Variants in ADGRG1 observed in about 807,000 individuals in gnomAD.
ADGRG1 encodes 7-transmembrane protein with no EGF-like N-terminal domains-1.
A neutral mutation model predicts 73.5 loss-of-function variants in ADGRG1; 53 were observed. That is an observed-to-expected ratio of 0.72 (90% CI 0.58 to 0.91). ADGRG1 has a LOEUF of 0.91. Among genes scored for constraint, ADGRG1 ranks in the 40% least tolerant of loss-of-function variants. The probability of loss-of-function intolerance (pLI) is 0.00; values close to 1 mark genes in which losing one functional copy is unlikely to be tolerated. For missense variants in ADGRG1, 795 were observed against 871.8 expected, an observed-to-expected ratio of 0.91 and a Z score of 1.11; for synonymous variants, 394 against 374.4, an observed-to-expected ratio of 1.05 and a Z score of -0.60.
chr16:57,632,979 C>T (rs2038398004), intron 1 of ADGRG1: 1 of 981,836 alleles, frequency 1.0e-6, no homozygotes. Flanking sequence ...TAGAGAGCCG[C>T]CTCTGCCACC....
At chr16:57,632,935 A>G (rs2038385261) in intron 1 of ADGRG1, 1 of 985,308 alleles carries the variant, frequency 1.0e-6, no homozygotes, top group South Asian at 4.7e-5. Flanking sequence ...ACTCGGGGCC[A>G]CTTACACCAA....
At chr16:57,637,550 G>T in intron 1 of ADGRG1, 1 of 985,436 alleles carries the variant, frequency 1.0e-6, no homozygotes, top group Non-Finnish European at 1.2e-6. Context: ...GCCTTCTCCG[G>T]CCAGCAAGCC....
In ADGRG1 at chr16:57,657,353, C is replaced by G. The variant is rs2305309; in HGVS notation, c.1168-20C>G. ...TGTGGGGGACACAGAGGCCAGCTCTCTCCTGTCTCCTGGGGCCAGGTCTCC... is the reference window on the plus strand; with the variant it reads ...TGTGGGGGACACAGAGGCCAGCTCTGTCCTGTCTCCTGGGGCCAGGTCTCC... On this transcript the variant is annotated intron_variant, in intron 9 of 13. Coordinates refer to ENST00000562631, the MANE Select transcript of ADGRG1 (RefSeq NM_201525.4). The G allele has an allele frequency of 1.9e-6, 3 of 1,613,578 alleles. No homozygotes were observed. Among genetic ancestry groups the G allele is most frequent in the Admixed American group, 3.3e-5 (2 of 60,002 alleles).
intron 1 of ADGRG1, chr16:57,645,351 C>T: frequency 1.0e-6 from 1 of 983,488 alleles, no homozygotes; most frequent in Non-Finnish European, 1.2e-6. Flanking sequence ...TCGTTCCTCC[C>T]TCCTTGGCTC....
At position 57,650,355 on chromosome 16, in the gene ADGRG1, G is replaced by T; in HGVS notation, c.64+4G>T. The T allele has an allele frequency of 6.2e-7, 1 of 1,610,314 alleles. No homozygotes were observed. Among genetic ancestry groups the T allele is most frequent in the Non-Finnish European group, 8.5e-7 (1 of 1,176,480 alleles). ...AGTCTGCTCTTCCTGGTCCAAGGCA[G>T]GTCTTCCCAGGGGTGCCCTGGGCTG... On this transcript the variant is annotated splice_donor_region_variant and intron_variant, in intron 2 of 13. Transcript: ENST00000562631.
At chr16:57,639,408 C>G (rs1201845634) in intron 1 of ADGRG1, 1 of 985,364 alleles carries the variant, frequency 1.0e-6, no homozygotes, top group African/African-American at 1.7e-5. Context: ...CCAGGGGCTG[C>G]TGTCACCTGC....
chr16:57,663,577 A>G lies in ADGRG1; in HGVS notation c.2059A>G (p.Ile687Val). The G allele has an allele frequency of 6.2e-7, 1 of 1,613,314 alleles. No homozygotes were observed. The change falls in exon 14 of 14, where the codon ATC (isoleucine) becomes GTC (valine). Residue 687 changes from isoleucine (I) to valine (V), a missense_variant. Coordinates refer to ENST00000562631, the MANE Select transcript of ADGRG1 (RefSeq NM_201525.4). The part of the protein sequence containing the change: ...ISSGSTSSSR[I>V] Reference sequence around the variant, plus strand: ...CTCGGGCAGCACCTCGTCCAGCCGCATCTAGGCCTCCAGCCCACCTGCCCA... The same window carrying G: ...CTCGGGCAGCACCTCGTCCAGCCGCGTCTAGGCCTCCAGCCCACCTGCCCA...
chr16:57,662,649 G>A (rs1017096433), intron 13 of ADGRG1, among the ~76,000 whole-genome samples: 13 of 152,096 alleles, frequency 8.5e-5, no homozygotes, highest in Non-Finnish European at 1.3e-4. Flanking sequence ...AACCGGTTGT[G>A]TGTAGGAAGG....
Position 57,655,524 on chromosome 16 carries a change from G to T in ADGRG1, c.894G>T (p.Leu298=). ...TGGTGGACTTCAGCAGCCAAGCCCT[G>T]TTCCAGGTATGGGGTCCTCACCCTC... ...LLLVDFSSQA[L]FQDKNSSQVL... Residue 298 remains leucine (L), a synonymous_variant, in exon 6 of 14, where the codon CTG becomes CTT. Coordinates refer to ENST00000562631, the MANE Select transcript of ADGRG1 (RefSeq NM_201525.4). 1 of 1,613,882 alleles carries T rather than the reference G, an allele frequency of 6.2e-7. No individual in the cohort carries two copies. Among genetic ancestry groups the T allele is most frequent in the Non-Finnish European group, 8.5e-7 (1 of 1,180,030 alleles).
chr16:57,654,368 C>T (rs1337377841), intron 5 of ADGRG1, among the ~76,000 whole-genome samples: 1 of 151,664 alleles, frequency 6.6e-6, no homozygotes, highest in African/African-American at 2.4e-5. Flanking sequence ...CTGGGGCCAC[C>T]CGTGTGAACA....
At chr16:57,655,064 TG>T (rs1176478057) in intron 5 of ADGRG1, 2 of 985,140 alleles carry the variant, frequency 2.0e-6, no homozygotes, top group Admixed American at 1.2e-4. Flanking sequence ...TCTGGTTAGC[TG>T]GGAACCACCC....
Position 57,659,481 on chromosome 16 carries a change from C to T in ADGRG1, c.1355C>T (p.Thr452Met), listed in dbSNP as rs746255000. 5.0e-6 allele frequency: 8 copies of T among 1,613,766 alleles called. No individual in the cohort carries two copies. The highest frequency in any genetic ancestry group is 2.2e-5 in the South Asian group (2 of 91,082). Residue 452 changes from threonine to methionine, a missense_variant, in exon 11 of 14, where the codon ACG becomes ATG. Physicochemically the swap from Thr to Met is moderately conservative, Grantham distance 81. Transcript: ENST00000562631. ...NLLLAVFLLDTSFLLSEPVAL... is the reference protein window; with the variant it reads ...NLLLAVFLLDMSFLLSEPVAL... ...CTGCTGGCCGTCTTCCTGCTGGACA[C>T]GAGCTTCCTGCTCAGCGAGCCGGTG...
In ADGRG1 at chr16:57,651,169, G is replaced by A. The variant is rs535412838; in HGVS notation, c.65-31G>A. The A allele has an allele frequency of 1.5e-5, 25 of 1,613,146 alleles. No homozygotes were observed. In the South Asian group the frequency reaches 1.6e-4, roughly 11 times the overall value. On this transcript the variant is annotated intron_variant, in intron 2 of 13. Coordinates refer to ENST00000562631, the MANE Select transcript of ADGRG1 (RefSeq NM_201525.4). ...CATGCCTCTGGTCAGCCCCTGCCAC[G>A]GGGTCCCATCTGCAGCCTCTGCCTC...
intron 1 of ADGRG1, chr16:57,641,343 A>G (rs1178193341): frequency 1.0e-6 from 1 of 985,006 alleles, no homozygotes; most frequent in African/African-American, 1.7e-5. Flanking sequence ...GGCTGGCCTC[A>G]GCTGCTCCTT....
At chr16:57,650,474 A>C in intron 2 of ADGRG1, 123 bp downstream of exon 2, 1 of 1,561,132 alleles carries the variant, frequency 6.4e-7, no homozygotes, top group Non-Finnish European at 8.7e-7. Flanking sequence ...AGTGGAGGGT[A>C]CCTTGGAGAA....
At chr16:57,657,304 C>A in intron 9 of ADGRG1, 69 bp from the exon 10 acceptor site, 1 of 1,609,440 alleles carries the variant, frequency 6.2e-7, no homozygotes, top group Non-Finnish European at 8.5e-7. Flanking sequence ...GTTAGCCCCT[C>A]ACGCAGGGCA....
chr16:57,657,930 C>T (rs1207080897), intron 10 of ADGRG1, among the ~76,000 whole-genome samples: 1 of 151,746 alleles, frequency 6.6e-6, no homozygotes, highest in African/African-American at 2.4e-5. Context: ...TTAGTAGAGA[C>T]GGGGTTTCAC....
chr16:57,634,707 G>A (rs892952590), intron 1 of ADGRG1: 1 of 174,328 alleles, frequency 5.7e-6, no homozygotes, highest in African/African-American at 2.4e-5. Context: ...GTGTGGCAGG[G>A]GCGTTGCAGA....
chr16:57,647,751 G>T, intron 1 of ADGRG1: 1 of 978,900 alleles, frequency 1.0e-6, no homozygotes, highest in African/African-American at 1.7e-5. Context: ...TGGAGTAGTT[G>T]TTCAAACAGC....
Sources: allele counts gnomAD v4.1 joint callset (sites outside exome capture counted in the v4.1 genomes callset), GRCh38; gene constraint gnomAD v4.1.1; transcripts MANE v1.5; gene names NCBI Gene and HGNC (gene_info 2026-07-23, HGNC 2026-07-21).